The following HECW2 variants were observed in gnomAD, a reference collection of about 807,000 sequenced individuals.
HECW2 encodes the protein E3 ubiquitin-protein ligase HECW2.
HECW2 carries 61 observed loss-of-function variants against 175.2 expected under a neutral mutation model. The ratio of observed to expected loss-of-function variants is 0.35; its 90% CI spans 0.28 to 0.43. The LOEUF (loss-of-function observed/expected upper bound fraction) is 0.43. Ranked by LOEUF, HECW2 falls within the 20% of genes least tolerant of loss-of-function variation. The pLI is 1.00. For synonymous variants in HECW2, 671 were observed against 731.0 expected, an observed-to-expected ratio of 0.92 and a Z score of 1.32; for missense variants, 1,524 against 2,000.5, an observed-to-expected ratio of 0.76 and a Z score of 4.54.
At chr2:196,497,901 G>T (rs191349016) in intron 1 of HECW2, among the ~76,000 whole-genome samples, 1 of 152,166 alleles carries the variant, frequency 6.6e-6, no homozygotes, top group Admixed American at 6.5e-5. Context: ...ACATTAGATC[G>T]TACTCTTTTT....
chr2:196,237,173 A>G (rs1055137842), intron 21 of HECW2, among the ~76,000 whole-genome samples: 5 of 151,470 alleles, frequency 3.3e-5, no homozygotes, highest in African/African-American at 9.8e-5. Flanking sequence ...GAGAGCAGTG[A>G]TTCTTTTTTT....
At chr2:196,343,086 G>GTGTA (rs1553503742) in intron 3 of HECW2, among the ~76,000 whole-genome samples, 10 of 151,292 alleles carry the variant, frequency 6.6e-5, no homozygotes, top group African/African-American at 9.7e-5. Context: ...GTGTGTGTGT[G>GTGTA]TATATACATA....
intron 1 of HECW2, among the ~76,000 whole-genome samples, chr2:196,587,076 C>T (rs1691009645): frequency 6.6e-6 from 1 of 152,254 alleles, no homozygotes; most frequent in South Asian, 2.1e-4. Context: ...AATAATATGA[C>T]TCATACTTAT....
rs181836492 is a variant in HECW2 at position 196,353,462 on chromosome 2, A to T, written c.293-9698T>A. ...TGTTGAATGTAAACTCCAAGAGGTC[A>T]AGGAATTTTGTCTATTCTGTTTACT... On this transcript the variant is annotated intron_variant, in intron 2 of 28. Coordinates refer to ENST00000644978, the MANE Select transcript of HECW2 (RefSeq NM_001348768.2). 7.5e-4 allele frequency among the ~76,000 whole-genome samples: 114 copies of T among 152,354 alleles called. 1 individual carries two copies. The highest frequency in any genetic ancestry group is 2.6e-3 in the African/African-American group (107 of 41,586).
At chr2:196,279,361 A>G (rs771765628) in intron 14 of HECW2, among the ~76,000 whole-genome samples, 1 of 152,076 alleles carries the variant, frequency 6.6e-6, no homozygotes, top group Non-Finnish European at 1.5e-5. Flanking sequence ...ACTTTTAAAC[A>G]TCATTGACTT....
intron 4 of HECW2, 66 bp from the exon 5 acceptor site, chr2:196,329,716 A>G: frequency 7.9e-7 from 1 of 1,260,518 alleles, no homozygotes; most frequent in Non-Finnish European, 1.2e-6. Flanking sequence ...TGACTAGGAA[A>G]CCATGTATGT....
At chr2:196,272,572 T>C (rs1457515475) in intron 16 of HECW2, among the ~76,000 whole-genome samples, 1 of 152,162 alleles carries the variant, frequency 6.6e-6, no homozygotes, top group Non-Finnish European at 1.5e-5. Flanking sequence ...ACAAAAGAAG[T>C]ATAATAATTC....
At chr2:196,442,242 CA>C (rs1299489514) in intron 1 of HECW2, among the ~76,000 whole-genome samples, 1 of 151,650 alleles carries the variant, frequency 6.6e-6, no homozygotes, top group Non-Finnish European at 1.5e-5. Context: ...GATATTTTAC[CA>C]AAAAATTGAA....
In HECW2 at chr2:196,299,311, C is replaced by T. The variant is rs1690940546; in HGVS notation, c.2815-6561G>A. On this transcript the variant is annotated intron_variant, in intron 13 of 28. Coordinates refer to ENST00000644978, the MANE Select transcript of HECW2 (RefSeq NM_001348768.2). ...AAAGAAAAAGGAAACACGATAAAAA[C>T]ACGAAAACAAAATAAGTTAAAAAAA... Among the ~76,000 whole-genome samples the T allele has an allele frequency of 4.5e-5, 6 of 132,632 alleles. No homozygotes were observed. The South Asian group carries it at 1.5e-3, about 34-fold the overall frequency. The allele number at this position is 132,632 out of a possible 152,430, so 87.0% of individuals were successfully genotyped here.
At chr2:196,547,258 A>G (rs1689455895) in intron 1 of HECW2, among the ~76,000 whole-genome samples, 1 of 152,218 alleles carries the variant, frequency 6.6e-6, no homozygotes, top group African/African-American at 2.4e-5. Flanking sequence ...GCTATAACCT[A>G]GCATGTTCAG....
chr2:196,308,015 C>G lies in HECW2; in HGVS notation c.2505G>C (p.Trp835Cys). 1 of 1,603,922 alleles carries G rather than the reference C, an allele frequency of 6.2e-7. No individual in the cohort carries two copies. The highest frequency in any genetic ancestry group is 8.5e-7 in the Non-Finnish European group (1 of 1,172,532). ...YVDHVNRTTT[W>C]QRPTAPPAPQ... ...GGGCTGGGGGAGCTGTCGGTCGCTG[C>G]CACGTCGTGGTTCTGTTTACGTGAT... Residue 835 changes from tryptophan (W) to cysteine (C), a missense_variant, in exon 11 of 29, where the codon TGG (tryptophan) becomes TGC (cysteine). Trp to Cys is a radical substitution (Grantham distance 215, BLOSUM62 -2). Around this residue, in one of 11 missense-constraint regions of HECW2, gnomAD observed 82 missense variants for 124.4 expected, o/e 0.66. Coordinates refer to ENST00000644978, the MANE Select transcript of HECW2 (RefSeq NM_001348768.2).
At chr2:196,572,293 C>T (rs1294731456) in intron 1 of HECW2, among the ~76,000 whole-genome samples, 1 of 152,076 alleles carries the variant, frequency 6.6e-6, no homozygotes, top group Non-Finnish European at 1.5e-5. Flanking sequence ...AGCGATCTTC[C>T]CACCTCAGCC....
intron 1 of HECW2, among the ~76,000 whole-genome samples, chr2:196,447,319 T>C (rs1168407111): frequency 6.6e-6 from 1 of 152,144 alleles, no homozygotes; most frequent in Non-Finnish European, 1.5e-5. Flanking sequence ...AACGATGAAC[T>C]GAAGACGTAA....
At chr2:196,484,717 T>C (rs1351986469) in intron 1 of HECW2, among the ~76,000 whole-genome samples, 2 of 152,048 alleles carry the variant, frequency 1.3e-5, no homozygotes, top group Non-Finnish European at 2.9e-5. Context: ...CACCCCCTAA[T>C]ACACCCCATG....
chr2:196,513,111 T>C (rs1201226783), intron 1 of HECW2, among the ~76,000 whole-genome samples: 1 of 152,212 alleles, frequency 6.6e-6, no homozygotes, highest in Admixed American at 6.5e-5. Context: ...ATCATACTCA[T>C]TTAAGGAATG....
chr2:196,268,882 C>T (rs759542052), intron 17 of HECW2, among the ~76,000 whole-genome samples: 102 of 152,140 alleles, frequency 6.7e-4, no homozygotes, highest in Non-Finnish European at 3.7e-4. Flanking sequence ...CACTGAGGGG[C>T]TTGTTTCTGC....
intron 2 of HECW2, among the ~76,000 whole-genome samples, chr2:196,393,408 A>G (rs1253251302): frequency 6.6e-6 from 1 of 152,236 alleles, no homozygotes; most frequent in African/African-American, 2.4e-5. Flanking sequence ...CCCATATGAC[A>G]AAGGGCTAAT....
At chr2:196,510,110 C>G (rs1007973937) in intron 1 of HECW2, among the ~76,000 whole-genome samples, 9 of 152,174 alleles carry the variant, frequency 5.9e-5, no homozygotes, top group African/African-American at 1.9e-4. Flanking sequence ...CAATCCCAGC[C>G]TAGCAAGTGC....
intron 14 of HECW2, chr2:196,288,682 T>C (rs1225805345): frequency 6.6e-6 from 1 of 152,220 alleles, no homozygotes; most frequent in South Asian, 2.1e-4. Flanking sequence ...GATTTTTTGG[T>C]TACTATTCTA....
Sources: allele counts gnomAD v4.1 joint callset (sites outside exome capture counted in the v4.1 genomes callset), GRCh38; gene constraint gnomAD v4.1.1; regional missense constraint gnomAD v4.1.1; transcripts MANE v1.5; gene names NCBI Gene and HGNC (gene_info 2026-07-23, HGNC 2026-07-21).